The following RHCE variants were observed in gnomAD, a reference collection of about 807,000 sequenced individuals.
RHCE encodes the protein Rh blood group CcEe antigens, also known as blood group Rh(CE) polypeptide.
RHCE carries 22 observed loss-of-function variants against 43.8 expected under a neutral mutation model. The observed-to-expected ratio is 0.50, with a 90% CI of 0.36 to 0.72. The LOEUF (loss-of-function observed/expected upper bound fraction) is 0.72. RHCE is among the 30% of genes least tolerant of loss of function. RHCE has a pLI of 0.00. For synonymous variants in RHCE, 156 were observed against 210.7 expected, an observed-to-expected ratio of 0.74 and a Z score of 2.25; for missense variants, 385 against 525.4, an observed-to-expected ratio of 0.73 and a Z score of 2.61.
chr1:25,420,584 C>T (rs1373332556), intron 1 of RHCE, 55 bp downstream of exon 1: 11 of 1,613,844 alleles, frequency 6.8e-6, no homozygotes, highest in Non-Finnish European at 9.3e-6. Context: ...ATAGGCCTCC[C>T]CCGCCCCTGC....
intron 7 of RHCE, among the ~76,000 whole-genome samples, chr1:25,384,711 G>A (rs1286337386): frequency 6.6e-6 from 1 of 152,164 alleles, no homozygotes; most frequent in Non-Finnish European, 1.5e-5. Context: ...GCGCCTCCAT[G>A]ATTTCTCTGA....
chr1:25,397,887 T>C (rs1478434041), intron 3 of RHCE, among the ~76,000 whole-genome samples: 2 of 143,712 alleles, frequency 1.4e-5, no homozygotes, highest in Admixed American at 7.1e-5. Context: ...CTCACTTCCT[T>C]AAATTGCCTC....
At chr1:25,388,153 T>C (rs1646243125) in intron 6 of RHCE, among the ~76,000 whole-genome samples, 1 of 145,976 alleles carries the variant, frequency 6.9e-6, no homozygotes, top group Non-Finnish European at 1.5e-5. Flanking sequence ...ATAGCCCCTG[T>C]TCATCCAAAT....
chr1:25,362,355 AAAC>A lies in RHCE; in HGVS notation c.*169_*171del. ...TTTTAAACTTATTAAATTGACTCTT[AAAC>A]TAAGTTTTTAGTCTTTAATTTTTTA... On this transcript the variant is annotated 3_prime_UTR_variant, in exon 10 of 10. Coordinates refer to ENST00000294413, the MANE Select transcript of RHCE (RefSeq NM_020485.8). 3.5e-6 allele frequency: 5 copies of A among 1,446,108 alleles called. No individual in the cohort carries two copies. The highest frequency in any genetic ancestry group is 4.7e-6 in the Non-Finnish European group (5 of 1,059,510). 89.6% of individuals were successfully genotyped at this position (1,446,108 alleles called of 1,614,324 possible).
chr1:25,413,236 G>A (rs971634703), intron 1 of RHCE, among the ~76,000 whole-genome samples: 2 of 152,122 alleles, frequency 1.3e-5, no homozygotes, highest in Admixed American at 1.3e-4. Context: ...CAGAGCTCAT[G>A]CACCCCAAAC....
chr1:25,429,702 T>C (rs934496150), intron 1 of RHCE, among the ~76,000 whole-genome samples: 4 of 149,502 alleles, frequency 2.7e-5, no homozygotes, highest in Non-Finnish European at 5.9e-5. Flanking sequence ...AGGGGAAAAT[T>C]GGAAAACAAG....
intron 6 of RHCE, among the ~76,000 whole-genome samples, chr1:25,386,842 A>AAAAC (rs1557613133): frequency 6.9e-3 from 962 of 138,706 alleles, no homozygotes; most frequent in African/African-American, 0.025. Flanking sequence ...ACAACAACAA[A>AAAAC]ACACACACAC....
chr1:25,392,299 T>C (rs141277768), intron 3 of RHCE, among the ~76,000 whole-genome samples, 158 bp from the exon 4 acceptor site: 2,275 of 152,070 alleles, frequency 0.015, 59 homozygotes, highest in African/African-American at 0.052. Context: ...CCAGCAGGCT[T>C]TGCCCAGGCT....
intron 7 of RHCE, among the ~76,000 whole-genome samples, chr1:25,383,230 C>T (rs961546935): frequency 6.6e-6 from 1 of 152,224 alleles, no homozygotes; most frequent in African/African-American, 2.4e-5. Context: ...GTGGGAAATG[C>T]TCCATCCTGG....
At chr1:25,372,293 G>C (rs1418608134) in intron 8 of RHCE, among the ~76,000 whole-genome samples, 1 of 151,596 alleles carries the variant, frequency 6.6e-6, no homozygotes, top group African/African-American at 2.4e-5. Context: ...GCCAAGGTGG[G>C]CGGATCACCT....
intron 7 of RHCE, among the ~76,000 whole-genome samples, chr1:25,380,785 G>A (rs912907979): frequency 2.0e-5 from 3 of 151,954 alleles, no homozygotes; most frequent in Non-Finnish European, 4.4e-5. Flanking sequence ...AGAGCTCTGG[G>A]CCAGTAATGG....
rs1389465726 is a variant in RHCE, at chr1:25,384,305, G to T, written c.1073+1406C>A. Among the ~76,000 whole-genome samples the T allele has an allele frequency of 4.6e-5, 7 of 151,870 alleles. No homozygotes were observed. In the South Asian group the frequency reaches 1.2e-3, roughly 27 times the overall value. On this transcript the variant is annotated intron_variant, in intron 7 of 9. Coordinates refer to ENST00000294413, the MANE Select transcript of RHCE (RefSeq NM_020485.8). ...GCAAAACTCTAGATTTTGAGCTCTT[G>T]AGAAGTCATTGGATCTGGCAACACT...
intron 7 of RHCE, among the ~76,000 whole-genome samples, chr1:25,381,463 T>C (rs1012664567): frequency 1.5e-4 from 22 of 151,410 alleles, no homozygotes; most frequent in East Asian, 1.9e-4. Flanking sequence ...TTTTCTTTTT[T>C]TTTTTTTTTT....
chr1:25,398,677 T>C (rs1646634265), intron 3 of RHCE: 1 of 1,009,374 alleles, frequency 9.9e-7, no homozygotes, highest in Non-Finnish European at 1.5e-6. Flanking sequence ...TCACAGTCCC[T>C]GCCATTTCTC....
At chr1:25,414,394 C>G (rs986225942) in intron 1 of RHCE, among the ~76,000 whole-genome samples, 1 of 152,102 alleles carries the variant, frequency 6.6e-6, no homozygotes, top group Non-Finnish European at 1.5e-5. Context: ...TTGACCTCCA[C>G]CCTGTGCTCC....
At chr1:25,425,372 G>C (rs1157986617), upstream of RHCE, among the ~76,000 whole-genome samples, 1 of 152,150 alleles carries the variant, frequency 6.6e-6, no homozygotes, top group Admixed American at 6.5e-5. Flanking sequence ...TTACAAAAGA[G>C]GAAACTGCTG....
intron 8 of RHCE, 75 bp from the exon 9 acceptor site, chr1:25,370,615 G>T (rs1571825508): frequency 7.7e-7 from 1 of 1,304,616 alleles, no homozygotes; most frequent in Non-Finnish European, 1.1e-6. Context: ...TCAAAATATT[G>T]TGTGTGTCAA....
At position 25,391,985 on chromosome 1, in the gene RHCE, T is replaced by A; in HGVS notation, c.634+9A>T. ...AAGTATGAGACCACTCACCCCACCTTGTCCTTACCCAGCATGGCAGACAAA... is the reference window on the plus strand; with the variant it reads ...AAGTATGAGACCACTCACCCCACCTAGTCCTTACCCAGCATGGCAGACAAA... On this transcript the variant is annotated intron_variant, in intron 4 of 9. Transcript: ENST00000294413. 1.2e-6 allele frequency: 2 copies of A among 1,613,676 alleles called. No individual in the cohort carries two copies. The highest frequency in any genetic ancestry group is 1.7e-6 in the Non-Finnish European group (2 of 1,179,980).
chr1:25,430,149 T>A (rs971656499), exon 1 of RHCE: 4 of 151,858 alleles, frequency 2.6e-5, no homozygotes, highest in African/African-American at 9.7e-5. Context: ...GCCCAGCCTG[T>A]GGACGTGGAG....
Sources: allele counts gnomAD v4.1 joint callset (sites outside exome capture counted in the v4.1 genomes callset), GRCh38; gene constraint gnomAD v4.1.1; transcripts MANE v1.5; gene names NCBI Gene and HGNC (gene_info 2026-07-23, HGNC 2026-07-21).